Variants in ADGRL2 observed in about 807,000 individuals in gnomAD.
ADGRL2 encodes the protein adhesion G protein-coupled receptor L2.
A neutral mutation model predicts 157.4 loss-of-function variants in ADGRL2; 44 were observed. The observed-to-expected ratio is 0.28, with a 90% confidence interval of 0.22 to 0.36. The LOEUF (loss-of-function observed/expected upper bound fraction) is 0.36. Among genes scored for constraint, ADGRL2 ranks in the 10% least tolerant of loss-of-function variants. The pLI is 1.00. For missense variants in ADGRL2, 1,510 were observed against 1,768.9 expected, an observed-to-expected ratio of 0.85 and a Z score of 2.63; for synonymous variants, 585 against 624.7, an observed-to-expected ratio of 0.94 and a Z score of 0.95.
chr1:81,781,501 C>CAATACTTTT (rs1172903644), intron 2 of ADGRL2, among the ~76,000 whole-genome samples: 7 of 152,100 alleles, frequency 4.6e-5, no homozygotes, highest in Admixed American at 1.3e-4. Flanking sequence ...AAAGGAGTTT[C>CAATACTTTT]AAAAATGCAG....
intron 1 of ADGRL2, among the ~76,000 whole-genome samples, chr1:81,424,320 G>C (rs1398759393): frequency 1.3e-5 from 2 of 152,226 alleles, no homozygotes; most frequent in African/African-American, 2.4e-5. Context: ...GTCAGACACA[G>C]AGGAAAATTC....
chr1:81,970,662 A>G, intron 16 of ADGRL2, 128 bp downstream of exon 16: 8 of 610,846 alleles, frequency 1.3e-5, no homozygotes, highest in Non-Finnish European at 2.2e-5. Context: ...GAATGGGCAT[A>G]CCGTGCACAA....
intron 1 of ADGRL2, among the ~76,000 whole-genome samples, chr1:81,377,102 G>A (rs1327979322): frequency 6.6e-6 from 1 of 152,134 alleles, no homozygotes; most frequent in African/African-American, 2.4e-5. Context: ...AGACTGAGCT[G>A]GGAGGATCGC....
chr1:81,540,501 T>A (rs1268708488), intron 2 of ADGRL2, among the ~76,000 whole-genome samples: 1 of 152,124 alleles, frequency 6.6e-6, no homozygotes, highest in East Asian at 1.9e-4. Flanking sequence ...AATGTACAAA[T>A]GTCTAAACAA....
At position 81,990,648 on chromosome 1, in the gene ADGRL2, A is replaced by C; in HGVS notation, c.3913A>C (p.Ser1305Arg). 6.2e-7 allele frequency: 1 copy of C among 1,614,200 alleles called. No individual in the cohort carries two copies. Among genetic ancestry groups the C allele is most frequent in the South Asian group, 1.1e-5 (1 of 91,088 alleles). ...LPVKPVIGGS[S>R]SEDDAIVADA... Reference sequence around the variant, plus strand: ...AGTCAAACCTGTGATTGGAGGTAGCAGCAGTGAAGATGATGCTATTGTGGC... The same window carrying C: ...AGTCAAACCTGTGATTGGAGGTAGCCGCAGTGAAGATGATGCTATTGTGGC... Residue 1305 changes from serine to arginine, a missense_variant, in exon 24 of 24, where the codon AGC becomes CGC. Ser to Arg is a moderately radical substitution (Grantham distance 110). Coordinates refer to ENST00000686636, the MANE Select transcript of ADGRL2 (RefSeq NM_001366006.2).
At chr1:81,754,508 TTC>T (rs1472914368) in intron 1 of ADGRL2, among the ~76,000 whole-genome samples, 57 of 135,138 alleles carry the variant, frequency 4.2e-4, no homozygotes, top group African/African-American at 1.5e-3. Flanking sequence ...TCCTTCCTCT[TTC>T]TTTCTTCCCT....
chr1:81,439,194 C>T (rs997292054), intron 1 of ADGRL2, among the ~76,000 whole-genome samples: 2 of 152,160 alleles, frequency 1.3e-5, no homozygotes, highest in African/African-American at 4.8e-5. Flanking sequence ...CATGGACAAC[C>T]GCTTTGCAAG....
At chr1:81,456,166 A>G (rs942802432) in intron 2 of ADGRL2, among the ~76,000 whole-genome samples, 6 of 152,070 alleles carry the variant, frequency 3.9e-5, no homozygotes, top group African/African-American at 1.4e-4. Flanking sequence ...CAGTTTACTT[A>G]GGATATGATA....
chr1:81,392,820 A>G (rs77297459), intron 1 of ADGRL2, among the ~76,000 whole-genome samples: 1 of 152,126 alleles, frequency 6.6e-6, no homozygotes, highest in Non-Finnish European at 1.5e-5. Context: ...CATCTAGTAT[A>G]GACTGTATCT....
At chr1:81,892,710 G>A (rs552683932) in intron 2 of ADGRL2, among the ~76,000 whole-genome samples, 1 of 152,196 alleles carries the variant, frequency 6.6e-6, no homozygotes, top group African/African-American at 2.4e-5. Flanking sequence ...TGAGAGAAAT[G>A]AATATCCAAC....
chr1:81,328,329 C>A (rs916205013), intron 1 of ADGRL2, among the ~76,000 whole-genome samples: 2 of 152,082 alleles, frequency 1.3e-5, no homozygotes, highest in African/African-American at 4.8e-5. Flanking sequence ...AGTTTAAGAT[C>A]TTCCTTGACA....
At chr1:81,356,871 T>A (rs1166678611) in intron 1 of ADGRL2, among the ~76,000 whole-genome samples, 3 of 137,426 alleles carry the variant, frequency 2.2e-5, no homozygotes, top group African/African-American at 5.3e-5. Context: ...GAGAATGGCG[T>A]GAACCCGGGA....
At chr1:81,837,114 C>A in intron 2 of ADGRL2, 57 bp downstream of exon 2, 2 of 911,732 alleles carry the variant, frequency 2.2e-6, no homozygotes, top group South Asian at 1.6e-5. Context: ...ACTATACAAT[C>A]TTCTTAATAT....
intron 3 of ADGRL2, among the ~76,000 whole-genome samples, chr1:81,914,539 TTA>T (rs2094810152): frequency 6.6e-6 from 1 of 152,204 alleles, no homozygotes; most frequent in Non-Finnish European, 1.5e-5. Flanking sequence ...ATTCTTACCC[TTA>T]TGTTATTTAT....
intron 1 of ADGRL2, among the ~76,000 whole-genome samples, chr1:81,809,153 T>C (rs1391029008): frequency 6.6e-6 from 1 of 151,972 alleles, no homozygotes; most frequent in Non-Finnish European, 1.5e-5. Context: ...GAGTACATTA[T>C]AATCATTAAA....
chr1:81,567,044 G>A (rs2080578263), intron 2 of ADGRL2, among the ~76,000 whole-genome samples: 2 of 152,014 alleles, frequency 1.3e-5, no homozygotes, highest in Non-Finnish European at 2.9e-5. Flanking sequence ...AAATTCTCTA[G>A]TATGCTTAAC....
chr1:81,421,966 G>C (rs1182910374), intron 1 of ADGRL2, among the ~76,000 whole-genome samples: 2 of 152,098 alleles, frequency 1.3e-5, no homozygotes, highest in Admixed American at 6.6e-5. Flanking sequence ...ACCATTGAAA[G>C]AGGATATATA....
chr1:81,817,054 A>C (rs956395491), intron 1 of ADGRL2, among the ~76,000 whole-genome samples: 3 of 151,736 alleles, frequency 2.0e-5, no homozygotes, highest in Non-Finnish European at 4.4e-5. Flanking sequence ...CCACATAATA[A>C]ATGAACGTTA....
At chr1:81,511,729 C>A (rs17420202) in intron 2 of ADGRL2, among the ~76,000 whole-genome samples, 17,716 of 151,908 alleles carry the variant, frequency 0.12, 1,193 homozygotes, top group South Asian at 0.19. Context: ...AAAAGCAAAT[C>A]ATGTTTCATG....
Sources: gnomAD v4.1 joint callset for allele counts (sites outside exome capture counted in the v4.1 genomes callset) on GRCh38, gnomAD v4.1.1 for gene constraint, MANE v1.5 for transcripts, NCBI Gene and HGNC (gene_info 2026-07-23, HGNC 2026-07-21) for gene names.